Variants in PTBP3 observed in about 807,000 individuals in gnomAD.
PTBP3 encodes the protein polypyrimidine tract-binding protein 3.
Under a neutral mutation model 58.7 loss-of-function variants are expected in PTBP3, and 20 were observed. That is an observed-to-expected ratio of 0.34 (90% CI 0.24 to 0.50). PTBP3 has a LOEUF of 0.50. Ranked by LOEUF, PTBP3 falls within the 20% of genes least tolerant of loss-of-function variation. The pLI is 0.98. For synonymous variants in PTBP3, 185 were observed against 219.8 expected, an observed-to-expected ratio of 0.84 and a Z score of 1.40; for missense variants, 509 against 637.2, an observed-to-expected ratio of 0.80 and a Z score of 2.17.
chr9:112,259,785 A>T (rs80086845), intron 5 of PTBP3, among the ~76,000 whole-genome samples: 1 of 152,206 alleles, frequency 6.6e-6, no homozygotes, highest in African/African-American at 2.4e-5. Context: ...AACCAACTCC[A>T]TACTTCTGTA....
At chr9:112,233,209 T>C (rs963356699) in intron 8 of PTBP3, among the ~76,000 whole-genome samples, 1 of 151,924 alleles carries the variant, frequency 6.6e-6, no homozygotes, top group South Asian at 2.1e-4. Context: ...GACTTTTGCA[T>C]AACTTTTGCT....
intron 2 of PTBP3, among the ~76,000 whole-genome samples, chr9:112,295,797 T>C (rs1828654895): frequency 6.6e-6 from 1 of 152,098 alleles, no homozygotes; most frequent in African/African-American, 2.4e-5. Context: ...AATGGAAAGA[T>C]AATACCAAAA....
chr9:112,355,130 G>A, the PTBP3 span, among the ~76,000 whole-genome samples: 10 of 152,158 alleles, frequency 6.6e-5, no homozygotes, highest in African/African-American at 2.2e-4. Context: ...TAAATCAAAT[G>A]AATAATTCAG....
intron 5 of PTBP3, among the ~76,000 whole-genome samples, chr9:112,258,312 G>A: frequency 6.6e-6 from 1 of 152,082 alleles, no homozygotes; most frequent in Non-Finnish European, 1.5e-5. Flanking sequence ...TTTACATAAT[G>A]AATCAGTTGA....
chr9:112,278,576 C>T (rs1201426425), intron 2 of PTBP3, among the ~76,000 whole-genome samples: 1 of 152,166 alleles, frequency 6.6e-6, no homozygotes, highest in Non-Finnish European at 1.5e-5. Context: ...ACAAGTTACC[C>T]AAGCTCCCAT....
Position 112,229,356 on chromosome 9 carries a change from G to T in PTBP3, c.1055-884C>A, listed in dbSNP as rs375230531. On this transcript the variant is annotated intron_variant, in intron 10 of 13. Transcript: ENST00000374257. The stretch of plus-strand genomic sequence containing the variant: ...AGGTGGGTGGATCACTTGAGGTCAG[G>T]AATTCGAGACCAGCCTGGCCAACAT... Among the ~76,000 whole-genome samples, 136 of 152,158 alleles carry T rather than the reference G, an allele frequency of 8.9e-4. 1 individual carries two copies. Among genetic ancestry groups the T allele is most frequent in the African/African-American group, 3.0e-3 (125 of 41,510 alleles).
chr9:112,261,167 T>G (rs1037213626), intron 5 of PTBP3, among the ~76,000 whole-genome samples: 1 of 152,192 alleles, frequency 6.6e-6, no homozygotes, highest in Non-Finnish European at 1.5e-5. Flanking sequence ...AACCAATCAC[T>G]TAAGCAACAG....
chr9:112,225,640 T>C (rs1834957605), intron 12 of PTBP3, among the ~76,000 whole-genome samples: 1 of 152,218 alleles, frequency 6.6e-6, no homozygotes, highest in African/African-American at 2.4e-5. Context: ...AGGCAACATG[T>C]GTAAAGCACC....
At chr9:112,290,291 T>A (rs945555675) in intron 2 of PTBP3, among the ~76,000 whole-genome samples, 3 of 152,180 alleles carry the variant, frequency 2.0e-5, no homozygotes, top group Non-Finnish European at 4.4e-5. Flanking sequence ...AGTAAGCATA[T>A]GAAAATATAA....
intron 1 of PTBP3, among the ~76,000 whole-genome samples, chr9:112,307,467 A>T (rs1245910782): frequency 6.6e-6 from 1 of 152,174 alleles, no homozygotes. Flanking sequence ...AAAAAATAAA[A>T]AAGATAAATA....
chr9:112,283,453 G>T lies in PTBP3; in HGVS notation c.35-7440C>A, dbSNP rs907894962. Reference sequence around the variant, plus strand: ...GACACTCTTGCAATGCTTTAGCAAAGAGACTGGCAGCATTTTGCCCCATGC... The same window carrying T: ...GACACTCTTGCAATGCTTTAGCAAATAGACTGGCAGCATTTTGCCCCATGC... On this transcript the variant is annotated intron_variant, in intron 2 of 13. Coordinates refer to ENST00000374257, the MANE Select transcript of PTBP3 (RefSeq NM_001163788.4). Among the ~76,000 whole-genome samples, 6 of 152,226 alleles carry T rather than the reference G, an allele frequency of 3.9e-5. No homozygotes were observed. In the East Asian group the frequency reaches 1.2e-3, roughly 29 times the overall value.
chr9:112,306,473 A>T (rs1256010494), intron 1 of PTBP3, among the ~76,000 whole-genome samples: 1 of 146,552 alleles, frequency 6.8e-6, no homozygotes, highest in Non-Finnish European at 1.5e-5. Flanking sequence ...AAAAAAAAAC[A>T]CTATTCTTAA....
chr9:112,278,718 C>T (rs1019365929), intron 2 of PTBP3, among the ~76,000 whole-genome samples: 4 of 152,212 alleles, frequency 2.6e-5, no homozygotes, highest in African/African-American at 9.6e-5. Context: ...GAGCGCAGAG[C>T]TATGAAATCA....
the PTBP3 span, among the ~76,000 whole-genome samples, chr9:112,348,241 G>C: frequency 6.6e-6 from 1 of 152,242 alleles, no homozygotes; most frequent in Non-Finnish European, 1.5e-5. Context: ...CAGATGGTCA[G>C]GCAGTTGGTA....
chr9:112,262,232 CTTTT>C (rs1372287381), intron 5 of PTBP3, among the ~76,000 whole-genome samples, 199 bp downstream of exon 5: 6 of 151,946 alleles, frequency 3.9e-5, no homozygotes, highest in African/African-American at 7.3e-5. Flanking sequence ...TTTTTACACC[CTTTT>C]TAATTATGTA....
At chr9:112,375,751 G>T in the PTBP3 span, among the ~76,000 whole-genome samples, 1 of 152,118 alleles carries the variant, frequency 6.6e-6, no homozygotes, top group African/African-American at 2.4e-5. Context: ...TGCTGTGCAC[G>T]ACCCACTTTA....
At chr9:112,353,319 G>A in the PTBP3 span, among the ~76,000 whole-genome samples, 1 of 152,150 alleles carries the variant, frequency 6.6e-6, no homozygotes, top group Non-Finnish European at 1.5e-5. Context: ...ACTAGCTTGT[G>A]AGTTACCCTA....
At chr9:112,237,861 GA>G (rs1386819195) in intron 7 of PTBP3, among the ~76,000 whole-genome samples, 20 of 152,284 alleles carry the variant, frequency 1.3e-4, no homozygotes, top group African/African-American at 4.8e-4. Context: ...AGAGAAGGGA[GA>G]AAAGTCCCCT....
the PTBP3 span, among the ~76,000 whole-genome samples, chr9:112,367,133 C>A: frequency 1.3e-5 from 2 of 152,162 alleles, no homozygotes; most frequent in African/African-American, 4.8e-5. Flanking sequence ...AACTTTTCTT[C>A]CCACATTTTA....
Sources: gnomAD v4.1 joint callset for allele counts (sites outside exome capture counted in the v4.1 genomes callset) on GRCh38, gnomAD v4.1.1 for gene constraint, MANE v1.5 for transcripts, NCBI Gene and HGNC (gene_info 2026-07-23, HGNC 2026-07-21) for gene names.